Variants in RIOX2 observed in about 807,000 individuals in gnomAD.
RIOX2 encodes the protein 60S ribosomal protein L27a histidine hydroxylase.
Under a neutral mutation model 51.2 loss-of-function variants are expected in RIOX2, and 43 were observed. The ratio of observed to expected loss-of-function variants is 0.84; its 90% CI spans 0.66 to 1.08. The LOEUF (loss-of-function observed/expected upper bound fraction) is 1.08, where lower values mean the gene tolerates loss of function less well. Among genes scored for constraint, RIOX2 ranks in the 50% least tolerant of loss-of-function variants. The pLI, the probability that RIOX2 is intolerant of heterozygous loss-of-function variation, is 0.00. For missense variants in RIOX2, 566 were observed against 561.7 expected, an observed-to-expected ratio of 1.01 and a Z score of -0.08; for synonymous variants, 226 against 218.5, an observed-to-expected ratio of 1.03 and a Z score of -0.30.
chr3:97,961,788 T>C (rs1705685660), intron 2 of RIOX2, 80 bp from the exon 3 acceptor site: 1 of 1,460,700 alleles, frequency 6.8e-7, no homozygotes, highest in Non-Finnish European at 9.0e-7. Flanking sequence ...AGCATGTTCT[T>C]GTTCACTTAG....
intron 4 of RIOX2, among the ~76,000 whole-genome samples, chr3:97,957,432 G>A (rs550703922): frequency 3.9e-4 from 58 of 149,260 alleles, no homozygotes; most frequent in African/African-American, 1.4e-3. Flanking sequence ...GGAGGCGGAG[G>A]TTTCAGCTAG....
intron 2 of RIOX2, among the ~76,000 whole-genome samples, chr3:97,961,985 C>T (rs889776317): frequency 2.6e-5 from 4 of 152,134 alleles, no homozygotes; most frequent in African/African-American, 9.7e-5. Context: ...CAGGGAAGGA[C>T]ACAATCCAAT....
rs1488046179 is a variant in RIOX2 at position 97,950,868 on chromosome 3, A to G, written c.806T>C (p.Leu269Ser). The change falls in exon 6 of 10, where the codon TTG (leucine) becomes TCG (serine). Residue 269 changes from leucine to serine, a missense_variant. Transcript: ENST00000394198. ...AAATACAAGCCCCGAGATGGTATCC[A>G]AAAGGAAATCTCCCCATGAACTAGG... ...YQNNSWGDFL[L>S]DTISGLVFDT... The G allele has an allele frequency of 6.2e-7, 1 of 1,613,834 alleles. No homozygotes were observed.
chr3:97,965,800 A>C (rs1437406496), intron 2 of RIOX2, among the ~76,000 whole-genome samples: 1 of 152,226 alleles, frequency 6.6e-6, no homozygotes, highest in African/African-American at 2.4e-5. Flanking sequence ...AGTACACGTA[A>C]TCAAATTCAC....
chr3:97,954,136 C>A, intron 5 of RIOX2: 1 of 413,148 alleles, frequency 2.4e-6, no homozygotes, highest in Non-Finnish European at 4.4e-6. Flanking sequence ...CTCTTTCTTT[C>A]CAAACTATGT....
intron 5 of RIOX2, chr3:97,951,201 A>G: frequency 4.2e-6 from 1 of 238,444 alleles, no homozygotes; most frequent in African/African-American, 2.3e-5. Context: ...CAGGAAGTTC[A>G]ATGGACCAAA....
At chr3:97,951,140 A>G in intron 5 of RIOX2, 1 of 393,464 alleles carries the variant, frequency 2.5e-6, no homozygotes, top group Non-Finnish European at 4.6e-6. Flanking sequence ...AGGCTTCAAT[A>G]CTGATTTCTC....
At position 97,950,849 on chromosome 3, in the gene RIOX2, A is replaced by G; in HGVS notation, c.825T>C (p.Leu275=). ...CGTCTTCCTTTGCAGTATCAAATAC[A>G]AGCCCCGAGATGGTATCCAAAAGGA... ...GDFLLDTISG[L]VFDTAKEDVE... Residue 275 remains leucine (L), a synonymous_variant, in exon 6 of 10, where the codon CTT becomes CTC. Coordinates refer to ENST00000394198, the MANE Select transcript of RIOX2 (RefSeq NM_153182.4). 1 of 1,613,900 alleles carries G rather than the reference A, an allele frequency of 6.2e-7. No individual in the cohort carries two copies. The highest frequency in any genetic ancestry group is 8.5e-7 in the Non-Finnish European group (1 of 1,179,838).
At chr3:97,962,007 A>G (rs1705696396) in intron 2 of RIOX2, among the ~76,000 whole-genome samples, 1 of 152,186 alleles carries the variant, frequency 6.6e-6, no homozygotes. Flanking sequence ...TACATTTTTG[A>G]AAGCTCACCC....
rs2040283874 is a variant in RIOX2 at position 97,943,591 on chromosome 3, G to GTTTA, written c.*1589_*1592dup. On this transcript the variant is annotated 3_prime_UTR_variant, in exon 10 of 10. Coordinates refer to ENST00000394198, the MANE Select transcript of RIOX2 (RefSeq NM_153182.4). ...CTGTGGTGAGCAAGTTTCCTGAAGT[G>GTTTA]TTTATTTTCTCTCATATCCACCAAA... 1 of 363,838 alleles carries GTTTA rather than the reference G, an allele frequency of 2.7e-6. No homozygotes were observed. Among genetic ancestry groups the GTTTA allele is most frequent in the African/African-American group, 2.2e-5 (1 of 45,632 alleles). 22.5% of individuals were successfully genotyped at this position (363,838 alleles called of 1,614,324 possible).
At chr3:97,962,456 A>T (rs139333548) in intron 2 of RIOX2, among the ~76,000 whole-genome samples, 2 of 149,756 alleles carry the variant, frequency 1.3e-5, no homozygotes, top group African/African-American at 4.9e-5. Flanking sequence ...GCCTACACAA[A>T]ATGGATATTT....
chr3:97,945,940 G>T (rs1488438631), intron 8 of RIOX2, 53 bp from the exon 9 acceptor site: 1 of 1,305,198 alleles, frequency 7.7e-7, no homozygotes, highest in Non-Finnish European at 1.1e-6. Context: ...CACTGAAGGT[G>T]TCAGTACTAG....
intron 1 of RIOX2, among the ~76,000 whole-genome samples, chr3:97,968,355 C>T (rs1214962929): frequency 6.6e-6 from 1 of 152,160 alleles, no homozygotes; most frequent in Non-Finnish European, 1.5e-5. Flanking sequence ...ATATCTAAAG[C>T]CTTGAAAAAA....
At position 97,949,959 on chromosome 3, in the gene RIOX2, A is replaced by C. The variant is rs1705182517; in HGVS notation, c.945T>G (p.Leu315=). 1 of 1,613,982 alleles carries C rather than the reference A, an allele frequency of 6.2e-7. No homozygotes were observed. The stretch of plus-strand genomic sequence containing the variant: ...CTTTGGTGCCCTCCAGCCGGTCTGC[A>C]AGTGTCCTCAGGAAGCCACTTAATC... ...TRRLSGFLRT[L]ADRLEGTKEL... Residue 315 remains leucine, a synonymous_variant, in exon 7 of 10, where the codon CTT becomes CTG. Transcript: ENST00000394198.
At chr3:97,967,039 C>T in intron 2 of RIOX2, 123 bp downstream of exon 2, 1 of 988,880 alleles carries the variant, frequency 1.0e-6, no homozygotes, top group Admixed American at 2.2e-5. Context: ...AGAGGTGCTA[C>T]CCCTTCTCAA....
intron 2 of RIOX2, among the ~76,000 whole-genome samples, chr3:97,966,439 G>C (rs1310682524): frequency 6.6e-6 from 1 of 152,206 alleles, no homozygotes; most frequent in Non-Finnish European, 1.5e-5. Flanking sequence ...CTCAAACCTT[G>C]AGGAAAACAA....
intron 9 of RIOX2, 62 bp downstream of exon 9, chr3:97,945,736 T>A (rs1379681722): frequency 1.2e-5 from 15 of 1,280,128 alleles, no homozygotes; most frequent in South Asian, 7.3e-5. Context: ...TCAAAAATAA[T>A]CAATTCTTCC....
At chr3:97,958,124 G>A (rs1161733170) in intron 4 of RIOX2, among the ~76,000 whole-genome samples, 3 of 152,146 alleles carry the variant, frequency 2.0e-5, no homozygotes, top group African/African-American at 7.2e-5. Context: ...CAGCAAGATT[G>A]TTTCCCTTAG....
At chr3:97,953,741 C>T (rs1705334665) in intron 5 of RIOX2, among the ~76,000 whole-genome samples, 1 of 152,146 alleles carries the variant, frequency 6.6e-6, no homozygotes, top group African/African-American at 2.4e-5. Context: ...TTGGATATAA[C>T]TCACACAGCA....
Sources: allele counts gnomAD v4.1 joint callset (sites outside exome capture counted in the v4.1 genomes callset), GRCh38; gene constraint gnomAD v4.1.1; transcripts MANE v1.5; gene names NCBI Gene and HGNC (gene_info 2026-07-23, HGNC 2026-07-21).